The following CBX5 variants were observed in gnomAD, a reference collection of about 807,000 sequenced individuals.
CBX5 encodes the protein chromobox protein homolog 5.
Under a neutral mutation model 20.7 loss-of-function variants are expected in CBX5, and 7 were observed. That is an observed-to-expected ratio of 0.34 (90% CI 0.19 to 0.63). CBX5 has a LOEUF of 0.63. Ranked by LOEUF, CBX5 falls within the 30% of genes least tolerant of loss-of-function variation. The pLI is 0.75. For missense variants in CBX5, 110 were observed against 224.1 expected, an observed-to-expected ratio of 0.49 and a Z score of 3.25; for synonymous variants, 78 against 77.0, an observed-to-expected ratio of 1.01 and a Z score of -0.07.
chr12:54,234,578 C>G lies in CBX5; in HGVS notation c.*7177G>C, dbSNP rs1432785762. The G allele has an allele frequency of 2.6e-5, 4 of 152,166 alleles. No individual in the cohort carries two copies. Among genetic ancestry groups the G allele is most frequent in the Non-Finnish European group, 5.9e-5 (4 of 68,030 alleles). The allele number at this position is 152,166 out of a possible 1,614,324, so 9.4% of individuals were successfully genotyped here. A position where few individuals can be genotyped will look rare whatever the true frequency, so the allele number is the denominator to read the frequency against. ...TCCGATTAATACTGATGGCTCTTAC[C>G]TAGGCTGTGATAATTAGGTTTTGAT... On this transcript the variant is annotated 3_prime_UTR_variant, in exon 5 of 5. Coordinates refer to ENST00000209875, the MANE Select transcript of CBX5 (RefSeq NM_012117.3).
rs1195690780 is a variant in CBX5 at position 54,246,160 on chromosome 12, A to G, written c.380T>C (p.Ile127Thr). 3.1e-6 allele frequency: 5 copies of G among 1,613,684 alleles called. No homozygotes were observed. Among genetic ancestry groups the G allele is most frequent in the South Asian group, 1.1e-5 (1 of 91,072 alleles). ...ATCACCACAGGAATCTGTTGCCCCA[A>G]TGATCTTTTCTGGTTCCAGTCCTCT... Reference protein sequence around the residue: ...FERGLEPEKIIGATDSCGDLM... With the variant: ...FERGLEPEKITGATDSCGDLM... Residue 127 changes from isoleucine to threonine, a missense_variant, in exon 4 of 5, where the codon ATT (isoleucine) becomes ACT (threonine). This residue lies in a region of CBX5 where 31 missense variants were observed against 84.9 expected (regional missense o/e 0.37). Transcript: ENST00000209875.
At chr12:54,265,161 G>A (rs757477360) in intron 1 of CBX5, among the ~76,000 whole-genome samples, 2 of 152,212 alleles carry the variant, frequency 1.3e-5, no homozygotes, top group African/African-American at 2.4e-5. Flanking sequence ...TAGGGAGAGA[G>A]TGGCTTAGGT....
At chr12:54,246,320 C>T in intron 3 of CBX5, 105 bp from the exon 4 acceptor site, 1 of 828,584 alleles carries the variant, frequency 1.2e-6, no homozygotes, top group Non-Finnish European at 1.9e-6. Flanking sequence ...CTCCTGATAT[C>T]ATTTCTTTCA....
intron 1 of CBX5, among the ~76,000 whole-genome samples, chr12:54,269,427 T>A (rs1943988378): frequency 6.6e-6 from 1 of 152,060 alleles, no homozygotes. Flanking sequence ...ATTGCTCTGT[T>A]GCCCAGGCTG....
rs1302325065 is a variant in CBX5, at chr12:54,231,516, A to T, written c.*10239T>A. ...AACCAGAATGTGACCGCAAGGAGCC[A>T]GGACCTTGTGCTTTTTCATGGATTA... On this transcript the variant is annotated 3_prime_UTR_variant, in exon 5 of 5. Transcript: ENST00000209875. The T allele has an allele frequency of 1.3e-5, 2 of 154,694 alleles. No individual in the cohort carries two copies. The highest frequency in any genetic ancestry group is 2.9e-5 in the Non-Finnish European group (2 of 68,120). The allele number at this position is 154,694 out of a possible 1,614,324, so 9.6% of individuals were successfully genotyped here. A position where few individuals can be genotyped will look rare whatever the true frequency, so the allele number is the denominator to read the frequency against.
intron 3 of CBX5, among the ~76,000 whole-genome samples, chr12:54,248,467 G>A (rs553053655): frequency 6.6e-6 from 1 of 152,312 alleles, no homozygotes; most frequent in East Asian, 1.9e-4. Flanking sequence ...GACATACAAA[G>A]CATTTGGGGT....
At chr12:54,278,572 G>C (rs1221877958) in intron 1 of CBX5, 1 of 152,132 alleles carries the variant, frequency 6.6e-6, no homozygotes, top group Non-Finnish European at 1.5e-5. Context: ...ATTTTCCCTT[G>C]ATCCTGAATA....
chr12:54,269,563 AT>A (rs1321524188), intron 1 of CBX5, among the ~76,000 whole-genome samples: 2 of 151,810 alleles, frequency 1.3e-5, no homozygotes, highest in Non-Finnish European at 2.9e-5. Context: ...TCATTTTTGT[AT>A]TTTTAGTAGA....
intron 3 of CBX5, among the ~76,000 whole-genome samples, chr12:54,248,324 G>A (rs982496997): frequency 6.6e-6 from 1 of 152,172 alleles, no homozygotes; most frequent in African/African-American, 2.4e-5. Context: ...TATTATGGAA[G>A]ATAATGCTAG....
intron 4 of CBX5, among the ~76,000 whole-genome samples, chr12:54,244,999 T>C (rs1002612234): frequency 1.3e-5 from 2 of 151,156 alleles, no homozygotes; most frequent in East Asian, 3.9e-4. Flanking sequence ...ATGTTTTATA[T>C]ATATATATTT....
rs750821447 is a variant in CBX5, at chr12:54,238,789, ACT to A, written c.*2964_*2965del. ...CTCTACTGGGCAAAGCTGTGCTATA[ACT>A]CTGAAGAAAGGGAGATCTTTTAATG... On this transcript the variant is annotated 3_prime_UTR_variant, in exon 5 of 5. Transcript: ENST00000209875. 2.0e-5 allele frequency: 3 copies of A among 152,218 alleles called. No individual in the cohort carries two copies. The East Asian group carries it at 5.8e-4, about 29-fold the overall frequency. The allele number at this position is 152,218 out of a possible 1,614,324, so 9.4% of individuals were successfully genotyped here.
chr12:54,260,534 T>C (rs1385602833), intron 1 of CBX5, among the ~76,000 whole-genome samples: 1 of 150,664 alleles, frequency 6.6e-6, no homozygotes, highest in East Asian at 2.0e-4. Context: ...AAAAAATTCC[T>C]AAGAAGCTTA....
chr12:54,273,805 A>C (rs1944033513), intron 1 of CBX5: 1 of 152,192 alleles, frequency 6.6e-6, no homozygotes, highest in Non-Finnish European at 1.5e-5. Flanking sequence ...GAGAAGAATA[A>C]ATTCCTCTTG....
intron 4 of CBX5, among the ~76,000 whole-genome samples, chr12:54,242,322 G>C (rs1233386781): frequency 6.6e-6 from 1 of 151,484 alleles, no homozygotes; most frequent in African/African-American, 2.4e-5. Flanking sequence ...TCAGGAGATC[G>C]AGACCATCCT....
At position 54,233,998 on chromosome 12, in the gene CBX5, T is replaced by C. The variant is rs1943594402; in HGVS notation, c.*7757A>G. ...GAGTTCAAGACCAGCACGGCCAAGA[T>C]GGTGAACCCTGTCTCTACTAAAAAT... On this transcript the variant is annotated 3_prime_UTR_variant, in exon 5 of 5. Coordinates refer to ENST00000209875, the MANE Select transcript of CBX5 (RefSeq NM_012117.3). 6.6e-6 allele frequency: 1 copy of C among 151,764 alleles called. No homozygotes were observed. The highest frequency in any genetic ancestry group is 2.4e-5 in the African/African-American group (1 of 41,250). The allele number at this position is 151,764 out of a possible 1,614,324, so 9.4% of individuals were successfully genotyped here. A position where few individuals can be genotyped will look rare whatever the true frequency, so the allele number is the denominator to read the frequency against.
chr12:54,278,146 T>C (rs746232232), intron 1 of CBX5, among the ~76,000 whole-genome samples: 10 of 152,234 alleles, frequency 6.6e-5, no homozygotes, highest in East Asian at 3.8e-4. Context: ...GCGATGTTAC[T>C]GGCATACAGT....
At position 54,280,072 on chromosome 12, in the gene CBX5, C is replaced by G. The variant is rs1001362053; in HGVS notation, c.-107G>C. On this transcript the variant is annotated 5_prime_UTR_variant, in exon 1 of 5. Transcript: ENST00000209875. Reference sequence around the variant, plus strand: ...GTTCCTGTATGGTGAGGCCGCACCACAAGCCACCACCGCCGCCGCCTTCTG... The same window carrying G: ...GTTCCTGTATGGTGAGGCCGCACCAGAAGCCACCACCGCCGCCGCCTTCTG... 6.2e-6 allele frequency: 1 copy of G among 160,026 alleles called. No homozygotes were observed. The highest frequency in any genetic ancestry group is 2.4e-5 in the African/African-American group (1 of 41,510). The allele number at this position is 160,026 out of a possible 1,614,324, so 9.9% of individuals were successfully genotyped here.
intron 1 of CBX5, among the ~76,000 whole-genome samples, chr12:54,263,779 A>AAAAAG (rs1334888268): frequency 1.0e-4 from 15 of 149,262 alleles, no homozygotes; most frequent in African/African-American, 2.7e-4. Context: ...AAAAAAAAAA[A>AAAAAG]AAAAGAAAAG....
At chr12:54,266,740 C>G (rs1047465771) in intron 1 of CBX5, among the ~76,000 whole-genome samples, 2 of 152,132 alleles carry the variant, frequency 1.3e-5, no homozygotes, top group African/African-American at 2.4e-5. Context: ...GTGTATTTAG[C>G]AATAACACAA....
Sources: allele counts gnomAD v4.1 joint callset (sites outside exome capture counted in the v4.1 genomes callset), GRCh38; gene constraint gnomAD v4.1.1; regional missense constraint gnomAD v4.1.1; transcripts MANE v1.5; gene names NCBI Gene and HGNC (gene_info 2026-07-23, HGNC 2026-07-21).